ERP44: variants seen among roughly 807,000 people sequenced by gnomAD.
ERP44 encodes the protein endoplasmic reticulum protein 44.
In ERP44, 25 loss-of-function variants were observed where a neutral mutation model predicts 53.4. The ratio of observed to expected loss-of-function variants is 0.47; its 90% confidence interval spans 0.34 to 0.65. The LOEUF is 0.65. Ranked by LOEUF, ERP44 falls within the 30% of genes least tolerant of loss-of-function variation. ERP44 has a pLI of 0.01. For synonymous variants in ERP44, 145 were observed against 161.2 expected (o/e 0.90, Z 0.76); for missense variants, 338 against 493.2 (o/e 0.69, Z 2.98).
intron 3 of ERP44, 36 bp downstream of exon 3, chr9:100,057,782 TAA>T: frequency 6.5e-7 from 1 of 1,548,068 alleles, no homozygotes; most frequent in Non-Finnish European, 8.9e-7. Flanking sequence ...CTTTAGCAAG[TAA>T]AAACAAAACC....
chr9:100,029,895 C>A (rs1304380072), intron 4 of ERP44, among the ~76,000 whole-genome samples: 1 of 152,162 alleles, frequency 6.6e-6, no homozygotes, highest in African/African-American at 2.4e-5. Flanking sequence ...TGAGACCATC[C>A]TGGCCAACAT....
chr9:100,025,106 C>T (rs1171626244), intron 4 of ERP44, among the ~76,000 whole-genome samples: 1 of 152,096 alleles, frequency 6.6e-6, no homozygotes, highest in Non-Finnish European at 1.5e-5. Context: ...AAAAAATAAT[C>T]CTACAATTAT....
At chr9:100,022,723 A>G (rs935017909) in intron 4 of ERP44, among the ~76,000 whole-genome samples, 3 of 152,222 alleles carry the variant, frequency 2.0e-5, no homozygotes, top group African/African-American at 7.2e-5. Flanking sequence ...GTCCAGGAAG[A>G]GGCAAAAGTA....
intron 1 of ERP44, among the ~76,000 whole-genome samples, chr9:100,088,214 T>C (rs1345172704): frequency 1.3e-5 from 2 of 152,228 alleles, no homozygotes; most frequent in Non-Finnish European, 2.9e-5. Context: ...CAATTATCAG[T>C]AAACAACATA....
At chr9:99,999,397 T>G (rs1006469178) in intron 10 of ERP44, among the ~76,000 whole-genome samples, 3 of 152,206 alleles carry the variant, frequency 2.0e-5, no homozygotes, top group African/African-American at 7.2e-5. Flanking sequence ...TCCCACTCCA[T>G]GGGTTGTCAA....
chr9:100,083,776 A>T (rs1376203723), intron 1 of ERP44, among the ~76,000 whole-genome samples: 1 of 152,164 alleles, frequency 6.6e-6, no homozygotes, highest in Non-Finnish European at 1.5e-5. Context: ...GCTCCTAGCT[A>T]CTCCAATCTA....
intron 1 of ERP44, among the ~76,000 whole-genome samples, chr9:100,076,380 C>G (rs930747684): frequency 6.6e-6 from 1 of 152,204 alleles, no homozygotes; most frequent in African/African-American, 2.4e-5. Flanking sequence ...CACCAATGGC[C>G]TCATGGGGAG....
chr9:100,007,887 C>T (rs1830436973), intron 8 of ERP44, among the ~76,000 whole-genome samples, 198 bp from the exon 9 acceptor site: 1 of 152,186 alleles, frequency 6.6e-6, no homozygotes, highest in Non-Finnish European at 1.5e-5. Flanking sequence ...ACCTCAAGTA[C>T]CCAGACAGTC....
chr9:99,993,187 A>C (rs1403766807), intron 10 of ERP44, among the ~76,000 whole-genome samples: 1 of 152,240 alleles, frequency 6.6e-6, no homozygotes, highest in Non-Finnish European at 1.5e-5. Context: ...GGAACCAAAA[A>C]AGAGCCCCAT....
chr9:100,012,461 CCT>C (rs1830484666), intron 8 of ERP44, among the ~76,000 whole-genome samples: 1 of 152,094 alleles, frequency 6.6e-6, no homozygotes, highest in Non-Finnish European at 1.5e-5. Flanking sequence ...CAGCACTAAT[CCT>C]CTTTCTATGA....
chr9:100,096,168 C>G (rs1043400055), intron 1 of ERP44, among the ~76,000 whole-genome samples: 7 of 152,136 alleles, frequency 4.6e-5, no homozygotes, highest in African/African-American at 1.7e-4. Context: ...ACCTAGGGTG[C>G]ATGAGACAAC....
At chr9:100,079,604 A>G (rs745954863) in intron 1 of ERP44, among the ~76,000 whole-genome samples, 3 of 152,108 alleles carry the variant, frequency 2.0e-5, no homozygotes, top group Middle Eastern at 3.2e-3. Flanking sequence ...TATATATTAT[A>G]ATTTTTAATT....
Position 99,980,288 on chromosome 9 carries a change from C to T in ERP44, c.*2324G>A, listed in dbSNP as rs759778991. 2 of 374,056 alleles carry T rather than the reference C, an allele frequency of 5.3e-6. No homozygotes were observed. Among genetic ancestry groups the T allele is most frequent in the Non-Finnish European group, 9.5e-6 (2 of 210,872 alleles). The allele number at this position is 374,056 out of a possible 1,614,324, so 23.2% of individuals were successfully genotyped here. A position where few individuals can be genotyped will look rare whatever the true frequency, so the allele number is the denominator to read the frequency against. ...AGAAATAATGCTTTATTCAGCTTTA[C>T]ATCTTTCATCATATACTACAGCACC... On this transcript the variant is annotated 3_prime_UTR_variant, in exon 12 of 12. Transcript: ENST00000262455.
intron 4 of ERP44, among the ~76,000 whole-genome samples, chr9:100,029,856 G>A (rs1016852070): frequency 6.6e-6 from 1 of 152,158 alleles, no homozygotes; most frequent in African/African-American, 2.4e-5. Context: ...TTGGGAGACC[G>A]AGGCGGGCAG....
chr9:100,001,061 T>C (rs1353756895), intron 10 of ERP44, among the ~76,000 whole-genome samples: 1 of 152,180 alleles, frequency 6.6e-6, no homozygotes, highest in African/African-American at 2.4e-5. Flanking sequence ...TTCCATTTTT[T>C]AAAAGATAAT....
intron 10 of ERP44, 48 bp from the exon 11 acceptor site, chr9:99,985,117 T>C: frequency 7.8e-7 from 1 of 1,287,718 alleles, no homozygotes; most frequent in Non-Finnish European, 1.1e-6. Context: ...TGGACTTATC[T>C]CTATTTTACC....
chr9:100,087,044 A>G (rs940926672), intron 1 of ERP44, among the ~76,000 whole-genome samples: 1 of 116,880 alleles, frequency 8.6e-6, no homozygotes, highest in Non-Finnish European at 1.7e-5. Flanking sequence ...TCTGGCATAC[A>G]GTAAAAGGGA....
At chr9:100,008,140 T>C (rs1830438617) in intron 8 of ERP44, among the ~76,000 whole-genome samples, 1 of 152,212 alleles carries the variant, frequency 6.6e-6, no homozygotes, top group African/African-American at 2.4e-5. Context: ...TTGCAAAATT[T>C]TTTGTATTTT....
chr9:100,072,231 T>C (rs1438701682), intron 1 of ERP44, among the ~76,000 whole-genome samples: 2 of 152,200 alleles, frequency 1.3e-5, no homozygotes, highest in East Asian at 1.9e-4. Flanking sequence ...GTAGTTCAGC[T>C]TTCTAAGCAC....
Sources: allele counts gnomAD v4.1 joint callset (sites outside exome capture counted in the v4.1 genomes callset), GRCh38; gene constraint gnomAD v4.1.1; transcripts MANE v1.5; gene names NCBI Gene and HGNC (gene_info 2026-07-23, HGNC 2026-07-21).